The following CCT5 variants were observed in gnomAD, a reference collection of about 807,000 sequenced individuals.
The protein encoded by CCT5 is T-complex protein 1 subunit epsilon.
In CCT5, 6 loss-of-function variants were observed where a neutral mutation model predicts 55.0. That is an observed-to-expected ratio of 0.11 (90% CI 0.06 to 0.22). The LOEUF is 0.22. Among genes scored for constraint, CCT5 ranks in the 10% least tolerant of loss-of-function variants. The pLI, the probability that CCT5 is intolerant of heterozygous loss-of-function variation, is 1.00. For synonymous variants in CCT5, 231 were observed against 243.7 expected (o/e 0.95, Z 0.49); for missense variants, 560 against 694.6 (o/e 0.81, Z 2.18).
intron 8 of CCT5, chr5:10,262,178 A>G: frequency 4.8e-6 from 2 of 420,464 alleles, no homozygotes; most frequent in Middle Eastern, 7.5e-4. Context: ...GTGAATAACC[A>G]TTGACGATCT....
In CCT5 at chr5:10,262,632, G is replaced by A. The variant is rs375481646; in HGVS notation, c.1317+14G>A. 2.3e-5 allele frequency: 37 copies of A among 1,613,900 alleles called. No individual in the cohort carries two copies. Among genetic ancestry groups the A allele is most frequent in the Middle Eastern group, 3.3e-4 (2 of 6,060 alleles). On this transcript the variant is annotated intron_variant, in intron 9 of 10. Transcript: ENST00000280326. ...GAGGCGGATAAGGTAAGGGATCTGT[G>A]CAGACTTAGTGAAAGATTCAGGCCT...
In CCT5 at chr5:10,256,064, C is replaced by T. The variant is rs770321570; in HGVS notation, c.441C>T (p.His147=). The T allele has an allele frequency of 1.5e-5, 25 of 1,614,096 alleles. 1 individual carries two copies. The South Asian group carries it at 2.7e-4, about 18-fold the overall frequency. ...YEQAARVAIE[H]LDKISDSVLV... is the part of the protein sequence containing the mutation. The stretch of plus-strand genomic sequence containing the variant: ...AGGCTGCTCGTGTTGCTATTGAACA[C>T]CTGGACAAGATCAGCGATAGCGTCC... The change falls in exon 4 of 11, where the codon CAC becomes CAT. Residue 147 remains histidine, a synonymous_variant. Transcript: ENST00000280326.
chr5:10,261,914 A>G lies in CCT5; in HGVS notation c.1179+169A>G, dbSNP rs1229292174. The stretch of plus-strand genomic sequence containing the variant: ...TTACTGAAGACCATGTTAAATTGTT[A>G]ATTTCACAAGGCACATTTGCCTTTC... On this transcript the variant is annotated intron_variant, in intron 8 of 10. Coordinates refer to ENST00000280326, the MANE Select transcript of CCT5 (RefSeq NM_012073.5). 4.3e-6 allele frequency: 3 copies of G among 702,652 alleles called. No individual in the cohort carries two copies. The South Asian group carries it at 4.5e-5, about 10-fold the overall frequency. 43.5% of individuals were successfully genotyped at this position (702,652 alleles called of 1,614,324 possible).
chr5:10,252,189 G>A lies in CCT5; in HGVS notation c.105+1744G>A, dbSNP rs143729915. Among the ~76,000 whole-genome samples the A allele has an allele frequency of 3.9e-5, 6 of 152,306 alleles. No homozygotes were observed. In the East Asian group the frequency reaches 1.2e-3, roughly 29 times the overall value. ...CTCTTAAAAGAGTTGGATGCTGTTGGTAGGCATCCTGTGAGTGTTGAGGCT... is the reference window on the plus strand; with the variant it reads ...CTCTTAAAAGAGTTGGATGCTGTTGATAGGCATCCTGTGAGTGTTGAGGCT... On this transcript the variant is annotated intron_variant, in intron 1 of 10. Coordinates refer to ENST00000280326, the MANE Select transcript of CCT5 (RefSeq NM_012073.5).
chr5:10,254,630 G>C (rs1310760743), intron 2 of CCT5, 44 bp from the exon 3 acceptor site: 1 of 1,588,208 alleles, frequency 6.3e-7, no homozygotes, highest in Non-Finnish European at 8.6e-7. Context: ...TGTGATATTG[G>C]TTGCCAGTTT....
chr5:10,254,050 C>CT (rs774203439), intron 1 of CCT5, 95 bp from the exon 2 acceptor site: 8 of 838,552 alleles, frequency 9.5e-6, no homozygotes, highest in African/African-American at 1.7e-5. Flanking sequence ...ACAATAGAAA[C>CT]TAAGTCATAA....
In CCT5 at chr5:10,254,142, T is replaced by G; in HGVS notation, c.106-3T>G. 6.3e-7 allele frequency: 1 copy of G among 1,599,696 alleles called. No homozygotes were observed. ...TGTTTGCTTTTTCTGTTTGTTTCATTAGTCTCATATAATGGCAGCAAAGGC... is the reference window on the plus strand; with the variant it reads ...TGTTTGCTTTTTCTGTTTGTTTCATGAGTCTCATATAATGGCAGCAAAGGC... On this transcript the variant is annotated splice_polypyrimidine_tract_variant and splice_region_variant and intron_variant, in intron 1 of 10. Transcript: ENST00000280326.
At position 10,254,751 on chromosome 5, in the gene CCT5, G is replaced by C. The variant is rs11557656; in HGVS notation, c.244G>C (p.Asp82His). The C allele has an allele frequency of 6.2e-7, 1 of 1,612,898 alleles. No individual in the cohort carries two copies. Among genetic ancestry groups the C allele is most frequent in the African/African-American group, 1.3e-5 (1 of 75,028 alleles). Residue 82 changes from aspartate to histidine, a missense_variant, in exon 3 of 11, where the codon GAT (aspartate) becomes CAT (histidine). By Grantham distance (81) the Asp-to-His change is moderately conservative. Around this residue, in one of 4 missense-constraint regions of CCT5, gnomAD observed 137 missense variants for 181.9 expected, o/e 0.75. Coordinates refer to ENST00000280326, the MANE Select transcript of CCT5 (RefSeq NM_012073.5). Reference protein sequence around the residue: ...NDGATILSMMDVDHQIAKLMV... With the variant: ...NDGATILSMMHVDHQIAKLMV... ...TGGGGCCACCATCTTAAGCATGATG[G>C]ATGTTGATCATCAGATTGCCAAGCT...
chr5:10,264,709 T>A lies in CCT5; in HGVS notation c.1552T>A (p.Ser518Thr). 6.2e-7 allele frequency: 1 copy of A among 1,614,002 alleles called. No homozygotes were observed. Among genetic ancestry groups the A allele is most frequent in the Non-Finnish European group, 8.5e-7 (1 of 1,179,872 alleles). Reference protein sequence around the residue: ...ETLIGKKQQISLATQMVRMIL... With the variant: ...ETLIGKKQQITLATQMVRMIL... ...CTTGATTGGCAAAAAGCAACAGATATCTCTTGCAACACAAATGGTTAGAAT... is the reference window on the plus strand; with the variant it reads ...CTTGATTGGCAAAAAGCAACAGATAACTCTTGCAACACAAATGGTTAGAAT... The change falls in exon 11 of 11, where the codon TCT (serine) becomes ACT (threonine). Residue 518 changes from serine (S) to threonine (T), a missense_variant. Physicochemically the swap from Ser to Thr is moderately conservative, Grantham distance 58. Transcript: ENST00000280326.
chr5:10,262,167 A>G (rs747712711), intron 8 of CCT5: 14 of 411,404 alleles, frequency 3.4e-5, no homozygotes, highest in Non-Finnish European at 5.9e-5. Context: ...AGGGAACCCA[A>G]GTGAATAACC....
At position 10,264,869 on chromosome 5, in the gene CCT5, T is replaced by TA; in HGVS notation, c.*87dup. On this transcript the variant is annotated 3_prime_UTR_variant, in exon 11 of 11. Coordinates refer to ENST00000280326, the MANE Select transcript of CCT5 (RefSeq NM_012073.5). Reference sequence around the variant, plus strand: ...TGATGCATCTACAGTTATTTATTGTTACATCCTTTTCCAGACACTGTAGAT... The same window carrying TA: ...TGATGCATCTACAGTTATTTATTGTTAACATCCTTTTCCAGACACTGTAGAT... The TA allele has an allele frequency of 1.3e-6, 2 of 1,554,772 alleles. No homozygotes were observed. The highest frequency in any genetic ancestry group is 1.8e-6 in the Non-Finnish European group (2 of 1,130,968).
At chr5:10,253,722 G>A (rs1379165314) in intron 1 of CCT5, among the ~76,000 whole-genome samples, 1 of 152,152 alleles carries the variant, frequency 6.6e-6, no homozygotes, top group Admixed American at 6.5e-5. Flanking sequence ...GGTATCCTCG[G>A]GGGCTCCTGG....
At chr5:10,264,561 T>C in intron 10 of CCT5, 95 bp from the exon 11 acceptor site, 1 of 868,104 alleles carries the variant, frequency 1.2e-6, no homozygotes, top group Non-Finnish European at 2.0e-6. Flanking sequence ...TTGTATTTCT[T>C]AAGTCTTACT....
chr5:10,257,408 G>A (rs568779202), intron 4 of CCT5, among the ~76,000 whole-genome samples: 1 of 152,278 alleles, frequency 6.6e-6, no homozygotes, highest in East Asian at 1.9e-4. Context: ...TTATAAGTTG[G>A]CCTTGTTCTG....
upstream of CCT5, chr5:10,250,207 A>G: frequency 6.4e-7 from 1 of 1,552,112 alleles, no homozygotes; most frequent in Non-Finnish European, 8.7e-7. Flanking sequence ...AATTAGTCTC[A>G]GTAGAAACAT....
chr5:10,251,149 A>G (rs1311105643), intron 1 of CCT5, among the ~76,000 whole-genome samples: 1 of 152,214 alleles, frequency 6.6e-6, no homozygotes, highest in Non-Finnish European at 1.5e-5. Flanking sequence ...ACGTTGTAGA[A>G]TGGAAGAGCC....
intron 10 of CCT5, 127 bp from the exon 11 acceptor site, chr5:10,264,529 T>A: frequency 1.4e-6 from 1 of 738,424 alleles, no homozygotes; most frequent in Non-Finnish European, 2.5e-6. Flanking sequence ...AATTAGTGGC[T>A]TCCTGCTTGG....
chr5:10,263,444 C>T, intron 10 of CCT5, 130 bp downstream of exon 10: 1 of 836,872 alleles, frequency 1.2e-6, no homozygotes, highest in Non-Finnish European at 1.9e-6. Flanking sequence ...GTGTTCAAGT[C>T]CTGAATTTTA....
chr5:10,262,393 C>A, intron 8 of CCT5, 88 bp from the exon 9 acceptor site: 1 of 1,397,664 alleles, frequency 7.2e-7, no homozygotes, highest in Non-Finnish European at 1.0e-6. Context: ...AGAGCACAGC[C>A]TCTCTGTCTT....
Sources: allele counts gnomAD v4.1 joint callset (sites outside exome capture counted in the v4.1 genomes callset), GRCh38; gene constraint gnomAD v4.1.1; regional missense constraint gnomAD v4.1.1; transcripts MANE v1.5; gene names NCBI Gene and HGNC (gene_info 2026-07-23, HGNC 2026-07-21).